The following HMCN1 variants were observed in gnomAD, a reference collection of about 807,000 sequenced individuals.
The protein encoded by HMCN1 is hemicentin 1.
A neutral mutation model predicts 625.9 loss-of-function variants in HMCN1; 321 were observed. That is an observed-to-expected ratio of 0.51 (90% confidence interval 0.47 to 0.56). The LOEUF (loss-of-function observed/expected upper bound fraction) is 0.56. Among genes scored for constraint, HMCN1 ranks in the 20% least tolerant of loss-of-function variants. The pLI, the probability that HMCN1 is intolerant of heterozygous loss-of-function variation, is 0.00. For synonymous variants in HMCN1, 2,425 were observed against 2,417.6 expected, an observed-to-expected ratio of 1.00 and a Z score of -0.09; for missense variants, 6,588 against 6,887.3, an observed-to-expected ratio of 0.96 and a Z score of 1.54.
intron 4 of HMCN1, among the ~76,000 whole-genome samples, chr1:185,879,455 A>C (rs1018902969): frequency 3.9e-5 from 6 of 152,142 alleles, no homozygotes; most frequent in Admixed American, 3.9e-4. Flanking sequence ...TAGAGGTGTG[A>C]ATCACCTTGC....
intron 6 of HMCN1, among the ~76,000 whole-genome samples, chr1:185,917,970 G>T (rs925375682): frequency 6.6e-6 from 1 of 152,064 alleles, no homozygotes; most frequent in African/African-American, 2.4e-5. Flanking sequence ...TTCCCTTACT[G>T]CATTGTAGGT....
intron 100 of HMCN1, among the ~76,000 whole-genome samples, chr1:186,170,011 A>C (rs1185760697): frequency 6.6e-6 from 1 of 152,150 alleles, no homozygotes; most frequent in Non-Finnish European, 1.5e-5. Flanking sequence ...TGGTCAAAGG[A>C]TATGAACAGA....
chr1:185,989,701 C>A, intron 21 of HMCN1, 54 bp downstream of exon 21: 1 of 1,557,388 alleles, frequency 6.4e-7, no homozygotes, highest in Non-Finnish European at 8.8e-7. Context: ...TGTGCCAAAA[C>A]TCACAGTTCT....
At chr1:185,947,319 G>C (rs893514248) in intron 11 of HMCN1, among the ~76,000 whole-genome samples, 2 of 152,154 alleles carry the variant, frequency 1.3e-5, no homozygotes, top group East Asian at 3.9e-4. Context: ...AATATGGCTA[G>C]TGTACCCAAG....
At chr1:186,108,711 T>C in intron 71 of HMCN1, 114 bp downstream of exon 71, 1 of 1,207,842 alleles carries the variant, frequency 8.3e-7, no homozygotes, top group Non-Finnish European at 1.2e-6. Context: ...CTACTAATTA[T>C]TCAACATTGC....
chr1:186,132,153 C>T (rs910350541), intron 85 of HMCN1, among the ~76,000 whole-genome samples, 175 bp from the exon 86 acceptor site: 2 of 152,046 alleles, frequency 1.3e-5, no homozygotes, highest in African/African-American at 2.4e-5. Context: ...CTTTCTCTTC[C>T]TCCTCCTCCC....
At chr1:186,110,551 G>A (rs1423805058) in intron 71 of HMCN1, among the ~76,000 whole-genome samples, 4 of 152,210 alleles carry the variant, frequency 2.6e-5, no homozygotes, top group African/African-American at 9.6e-5. Context: ...AGTGATCAAA[G>A]TAGAAGGCAG....
rs114067648 is a variant in HMCN1 at position 185,833,383 on chromosome 1, T to C, written c.269-12643T>C. Among the ~76,000 whole-genome samples the C allele has an allele frequency of 7.7e-3, 1,180 of 152,344 alleles. 12 individuals carry two copies. Among genetic ancestry groups the C allele is most frequent in the African/African-American group, 0.027 (1,137 of 41,586 alleles). On this transcript the variant is annotated intron_variant, in intron 1 of 106. Coordinates refer to ENST00000271588, the MANE Select transcript of HMCN1 (RefSeq NM_031935.3). Reference sequence around the variant, plus strand: ...AAATTTACCAAGTAACTGGGCTATATACAATGTGAACTGTGTAATTAGGCT... The same window carrying C: ...AAATTTACCAAGTAACTGGGCTATACACAATGTGAACTGTGTAATTAGGCT...
At chr1:185,888,968 G>A (rs1435537327) in intron 4 of HMCN1, among the ~76,000 whole-genome samples, 10 of 145,664 alleles carry the variant, frequency 6.9e-5, no homozygotes, top group East Asian at 3.9e-4. Context: ...ATTTGTTTGT[G>A]TCCTCTTTTA....
At chr1:185,857,865 T>A (rs1367859558) in intron 2 of HMCN1, among the ~76,000 whole-genome samples, 2 of 152,204 alleles carry the variant, frequency 1.3e-5, no homozygotes, top group Non-Finnish European at 2.9e-5. Flanking sequence ...TAAATTATAA[T>A]ACATCTTATT....
intron 4 of HMCN1, among the ~76,000 whole-genome samples, chr1:185,880,092 C>G (rs1471162030): frequency 2.6e-5 from 4 of 152,092 alleles, no homozygotes; most frequent in Non-Finnish European, 5.9e-5. Context: ...TAATGAATAA[C>G]TTTCATCAAA....
chr1:186,006,985 C>T, intron 29 of HMCN1, 143 bp from the exon 30 acceptor site: 1 of 646,208 alleles, frequency 1.5e-6, no homozygotes, highest in South Asian at 2.0e-5. Flanking sequence ...AACTTTTATT[C>T]TTGGAGTGCT....
intron 57 of HMCN1, among the ~76,000 whole-genome samples, chr1:186,083,393 G>A (rs188838117): frequency 8.0e-4 from 120 of 149,300 alleles, no homozygotes; most frequent in African/African-American, 2.8e-3. Context: ...AGAAGAAAAA[G>A]TCACTTTGTG....
rs1486169938 is a variant in HMCN1 at position 186,189,608 on chromosome 1, C to T, written c.16638C>T (p.Ala5546=). The change falls in exon 107 of 107, where the codon GCC becomes GCT. Residue 5546 remains alanine, a synonymous_variant. Coordinates refer to ENST00000271588, the MANE Select transcript of HMCN1 (RefSeq NM_031935.3). ...TCGTCTCCCTCCCATTTGGAATAGC[C>T]ACCAATCAAGATTTAATCCGGCTGG... ...YKLVSLPFGI[A]TNQDLIRLVA... 3 of 1,613,276 alleles carry T rather than the reference C, an allele frequency of 1.9e-6. No individual in the cohort carries two copies. The highest frequency in any genetic ancestry group is 1.7e-5 in the Admixed American group (1 of 59,940).
chr1:185,919,153 G>A (rs183598357), intron 6 of HMCN1, among the ~76,000 whole-genome samples: 1 of 151,780 alleles, frequency 6.6e-6, no homozygotes, highest in African/African-American at 2.4e-5. Context: ...GAGAAGGGAA[G>A]GGAAAGAAAT....
intron 80 of HMCN1, among the ~76,000 whole-genome samples, chr1:186,121,464 G>A (rs1176104889): frequency 6.6e-6 from 1 of 152,128 alleles, no homozygotes; most frequent in African/African-American, 2.4e-5. Flanking sequence ...TGTTGTTTAT[G>A]GAGGTGTAAT....
chr1:186,039,232 T>C (rs1164117452), intron 38 of HMCN1, among the ~76,000 whole-genome samples: 2 of 152,224 alleles, frequency 1.3e-5, no homozygotes, highest in Non-Finnish European at 2.9e-5. Context: ...GTTGTTGAAA[T>C]AGTCATTGAT....
At chr1:185,956,910 C>CA (rs1459965916) in intron 11 of HMCN1, among the ~76,000 whole-genome samples, 3 of 152,202 alleles carry the variant, frequency 2.0e-5, no homozygotes, top group African/African-American at 7.2e-5. Flanking sequence ...GGGACAAAGA[C>CA]AAAATATATA....
At chr1:185,887,930 TA>T (rs923053134) in intron 4 of HMCN1, among the ~76,000 whole-genome samples, 8 of 144,116 alleles carry the variant, frequency 5.6e-5, no homozygotes, top group African/African-American at 2.1e-4. Flanking sequence ...AGCAACAGTG[TA>T]AAAGTGTTCC....
Sources: gnomAD v4.1 joint callset for allele counts (sites outside exome capture counted in the v4.1 genomes callset) on GRCh38, gnomAD v4.1.1 for gene constraint, MANE v1.5 for transcripts, NCBI Gene and HGNC (gene_info 2026-07-23, HGNC 2026-07-21) for gene names.